PKIA: variants seen among roughly 807,000 people sequenced by gnomAD.
PKIA encodes the protein cAMP-dependent protein kinase inhibitor alpha, also known as PKI-alpha.
Under a neutral mutation model 7.6 loss-of-function variants are expected in PKIA, and 4 were observed. That is an observed-to-expected ratio of 0.52 (90% CI 0.26 to 1.20). The LOEUF (loss-of-function observed/expected upper bound fraction) is 1.20. PKIA is among the 50% of genes most tolerant of loss of function. The probability of loss-of-function intolerance (pLI) is 0.13; values close to 1 mark genes in which losing one functional copy is unlikely to be tolerated. For missense variants in PKIA, 73 were observed against 86.2 expected, an observed-to-expected ratio of 0.85 and a Z score of 0.61; for synonymous variants, 21 against 30.7, an observed-to-expected ratio of 0.68 and a Z score of 1.04.
chr8:78,532,557 T>C (rs1402959113), intron 1 of PKIA, among the ~76,000 whole-genome samples: 1 of 150,902 alleles, frequency 6.6e-6, no homozygotes, highest in Admixed American at 6.6e-5. Flanking sequence ...TCAGATTTAA[T>C]TGAACATTCA....
rs188582548 is a variant in PKIA at position 78,519,275 on chromosome 8, A to T, written c.-157+2807A>T. ...TAAAGTTGCCCTCTTCTAACAAAAT[A>T]TCTTTTTCTGGTGCTGCATTACTGC... On this transcript the variant is annotated intron_variant, in intron 1 of 3. Transcript: ENST00000396418. 1.3e-3 allele frequency among the ~76,000 whole-genome samples: 203 copies of T among 152,214 alleles called. 1 individual carries two copies. The highest frequency in any genetic ancestry group is 4.7e-3 in the African/African-American group (196 of 41,524).
chr8:78,575,732 C>T (rs936842081), intron 2 of PKIA, among the ~76,000 whole-genome samples: 2 of 151,978 alleles, frequency 1.3e-5, no homozygotes, highest in Non-Finnish European at 2.9e-5. Flanking sequence ...CTTTGAAACT[C>T]AAAGTAACTC....
At chr8:78,563,863 AAT>A (rs909849223) in intron 1 of PKIA, among the ~76,000 whole-genome samples, 3 of 152,112 alleles carry the variant, frequency 2.0e-5, no homozygotes, top group Non-Finnish European at 4.4e-5. Context: ...AGTGGTCTAG[AAT>A]ATGTTTGAAT....
chr8:78,534,442 G>C (rs766761839), intron 1 of PKIA: 22 of 152,064 alleles, frequency 1.4e-4, no homozygotes, highest in Non-Finnish European at 2.2e-4. Flanking sequence ...TTCAGCACTA[G>C]GTTTTGAGAA....
At chr8:78,537,270 A>G (rs549056635) in intron 1 of PKIA, among the ~76,000 whole-genome samples, 24 of 151,602 alleles carry the variant, frequency 1.6e-4, no homozygotes, top group Admixed American at 1.3e-3. Context: ...GGATTTATCC[A>G]TCTAATTCTC....
chr8:78,528,270 A>T (rs968348991), intron 1 of PKIA, among the ~76,000 whole-genome samples: 16 of 152,082 alleles, frequency 1.1e-4, no homozygotes, highest in African/African-American at 3.6e-4. Flanking sequence ...CTAGACTTTT[A>T]AAAAACAGCC....
At chr8:78,596,900 G>T (rs760680262) in intron 2 of PKIA, among the ~76,000 whole-genome samples, 1 of 152,140 alleles carries the variant, frequency 6.6e-6, no homozygotes, top group Non-Finnish European at 1.5e-5. Flanking sequence ...ATCTACATGT[G>T]GCTAGCCAGT....
At chr8:78,570,550 C>T (rs1302297020) in intron 1 of PKIA, among the ~76,000 whole-genome samples, 1 of 152,132 alleles carries the variant, frequency 6.6e-6, no homozygotes, top group Non-Finnish European at 1.5e-5. Flanking sequence ...CTTTCTAAAA[C>T]AAACAAATAT....
intron 1 of PKIA, among the ~76,000 whole-genome samples, chr8:78,531,890 T>C (rs928136637): frequency 2.6e-5 from 4 of 152,138 alleles, no homozygotes; most frequent in Non-Finnish European, 5.9e-5. Flanking sequence ...CTTGTAAAGA[T>C]TTCAATAGAA....
intron 2 of PKIA, among the ~76,000 whole-genome samples, chr8:78,597,185 A>G (rs889145244): frequency 6.6e-6 from 1 of 152,040 alleles, no homozygotes; most frequent in Admixed American, 6.6e-5. Flanking sequence ...GTTCTTTACG[A>G]ATTTCAGAAA....
chr8:78,600,042 A>T lies in PKIA; in HGVS notation c.151+1507A>T, dbSNP rs1006876227. 4.0e-5 allele frequency among the ~76,000 whole-genome samples: 6 copies of T among 151,056 alleles called. No homozygotes were observed. In the East Asian group the frequency reaches 1.2e-3, roughly 29 times the overall value. ...AATTAAATAATTTAAAATAATTTAA[A>T]TTATCTTTATACTTCCAAATGTCTT... On this transcript the variant is annotated intron_variant, in intron 3 of 3. Transcript: ENST00000396418.
intron 2 of PKIA, among the ~76,000 whole-genome samples, chr8:78,573,365 G>C (rs1405766623): frequency 6.6e-6 from 1 of 152,028 alleles, no homozygotes; most frequent in Non-Finnish European, 1.5e-5. Context: ...ATGTAAGGAA[G>C]TTGTTTTGGT....
At chr8:78,593,552 G>T (rs565355367) in intron 2 of PKIA, among the ~76,000 whole-genome samples, 30 of 152,326 alleles carry the variant, frequency 2.0e-4, no homozygotes, top group African/African-American at 7.0e-4. Context: ...TGATGTGCAT[G>T]TTCAGTTCTA....
At chr8:78,574,801 C>T (rs998205129) in intron 2 of PKIA, among the ~76,000 whole-genome samples, 1 of 151,902 alleles carries the variant, frequency 6.6e-6, no homozygotes, top group Non-Finnish European at 1.5e-5. Context: ...GATTGTCTCC[C>T]ACACCTTATT....
chr8:78,521,997 C>T (rs1585863109), intron 1 of PKIA, among the ~76,000 whole-genome samples: 1 of 151,866 alleles, frequency 6.6e-6, no homozygotes, highest in African/African-American at 2.4e-5. Flanking sequence ...CCTTTTGTCT[C>T]TAGCTTCTTT....
At chr8:78,522,718 A>T (rs765845010) in intron 1 of PKIA, among the ~76,000 whole-genome samples, 8 of 151,902 alleles carry the variant, frequency 5.3e-5, no homozygotes, top group Admixed American at 3.3e-4. Flanking sequence ...TGTAATAACA[A>T]TGTGGAATAG....
intron 2 of PKIA, among the ~76,000 whole-genome samples, chr8:78,574,678 A>G (rs1229003714): frequency 6.6e-6 from 1 of 151,936 alleles, no homozygotes; most frequent in African/African-American, 2.4e-5. Context: ...TTATTTTATT[A>G]TTTTATCAAT....
chr8:78,559,836 T>A (rs1807240311), intron 1 of PKIA, among the ~76,000 whole-genome samples: 1 of 152,226 alleles, frequency 6.6e-6, no homozygotes, highest in Non-Finnish European at 1.5e-5. Context: ...CCTGTAAAAT[T>A]GTGTTCATTT....
intron 1 of PKIA, among the ~76,000 whole-genome samples, chr8:78,562,135 A>C (rs1807300636): frequency 6.6e-6 from 1 of 152,154 alleles, no homozygotes; most frequent in African/African-American, 2.4e-5. Flanking sequence ...ACCCCAAAAA[A>C]TATTAGCAAT....
Sources: gnomAD v4.1 joint callset for allele counts (sites outside exome capture counted in the v4.1 genomes callset) on GRCh38, gnomAD v4.1.1 for gene constraint, MANE v1.5 for transcripts, NCBI Gene and HGNC (gene_info 2026-07-23, HGNC 2026-07-21) for gene names.